Variants in AOAH observed in about 807,000 individuals in gnomAD.
AOAH encodes acyloxyacyl hydrolase, also known as acyloxyacyl hydrolase (neutrophil).
A neutral mutation model predicts 92.2 loss-of-function variants in AOAH; 64 were observed. The observed-to-expected ratio is 0.69, with a 90% CI of 0.57 to 0.86. AOAH has a LOEUF of 0.86. AOAH is among the 40% of genes least tolerant of loss of function. The pLI is 0.00. For missense variants in AOAH, 656 were observed against 694.6 expected (o/e 0.94, Z 0.62); for synonymous variants, 263 against 254.5 (o/e 1.03, Z -0.32).
chr7:36,706,736 A>C lies in AOAH; in HGVS notation c.127+17286T>G, dbSNP rs796708688. 1.1e-4 allele frequency among the ~76,000 whole-genome samples: 17 copies of C among 152,330 alleles called. 1 individual carries two copies. The highest frequency in any genetic ancestry group is 8.3e-4 in the South Asian group (4 of 4,826). Reference sequence around the variant, plus strand: ...TTCTGGATAACTTGCTGTAGCTTCTACATCAGCATGTGTTCCTTCACCTTG... The same window carrying C: ...TTCTGGATAACTTGCTGTAGCTTCTCCATCAGCATGTGTTCCTTCACCTTG... On this transcript the variant is annotated intron_variant, in intron 1 of 20. Transcript: ENST00000617537.
At chr7:36,669,144 C>G (rs1407579911) in intron 3 of AOAH, among the ~76,000 whole-genome samples, 1 of 152,116 alleles carries the variant, frequency 6.6e-6, no homozygotes, top group African/African-American at 2.4e-5. Context: ...GGGAATAGAG[C>G]CTTTTTCACT....
At chr7:36,537,663 C>T (rs1445944632) in intron 16 of AOAH, among the ~76,000 whole-genome samples, 2 of 152,098 alleles carry the variant, frequency 1.3e-5, no homozygotes, top group African/African-American at 2.4e-5. Context: ...CGATTACAGG[C>T]ACCTGCCACC....
intron 4 of AOAH, among the ~76,000 whole-genome samples, chr7:36,645,499 A>G (rs1022449504): frequency 2.6e-5 from 4 of 152,240 alleles, no homozygotes; most frequent in African/African-American, 4.8e-5. Context: ...AAGGGCTTCA[A>G]GGCAATTTCT....
At position 36,568,894 on chromosome 7, in the gene AOAH, G is replaced by A. The variant is rs549843272; in HGVS notation, c.1021+7680C>T. On this transcript the variant is annotated intron_variant, in intron 13 of 20. Transcript: ENST00000617537. The stretch of plus-strand genomic sequence containing the variant: ...AACCAAAGTCCAAAGAAGAGAACAA[G>A]CAAGATGAGGTTTTTTCAGAGTGTG... Among the ~76,000 whole-genome samples, 16 of 152,282 alleles carry A rather than the reference G, an allele frequency of 1.1e-4. No homozygotes were observed. In the South Asian group the frequency reaches 3.3e-3, roughly 32 times the overall value.
chr7:36,676,752 C>T (rs1796278295), intron 2 of AOAH, among the ~76,000 whole-genome samples: 1 of 152,152 alleles, frequency 6.6e-6, no homozygotes, highest in Admixed American at 6.5e-5. Context: ...AACATAAAGA[C>T]AGACATATGG....
Position 36,724,041 on chromosome 7 carries a change from C to T in AOAH, c.108G>A (p.Ser36=), listed in dbSNP as rs2228412. 0.022 allele frequency: 34,789 copies of T among 1,613,530 alleles called. 435 individuals carry two copies. The highest frequency in any genetic ancestry group is 0.028 in the Middle Eastern group (172 of 6,054). Residue 36 remains serine, a synonymous_variant, in exon 1 of 21, where the codon TCG becomes TCA. Transcript: ENST00000617537. ...GCATACCTACACAGGTGTGCCCATT[C>T]GAGAGGCTGGGCCTGGACTGGTCAT... ...ANDDQSRPSL[S]NGHTCVGCVL...
At chr7:36,611,273 C>T (rs974615712) in intron 11 of AOAH, among the ~76,000 whole-genome samples, 6 of 152,076 alleles carry the variant, frequency 3.9e-5, no homozygotes, top group East Asian at 1.9e-4. Flanking sequence ...TCCTCCTACC[C>T]GTAGTGTTAT....
At chr7:36,609,391 T>C (rs925467342) in intron 11 of AOAH, among the ~76,000 whole-genome samples, 2 of 152,244 alleles carry the variant, frequency 1.3e-5, no homozygotes, top group East Asian at 3.9e-4. Context: ...TTAAAACCCT[T>C]CAATGGCTCC....
At chr7:36,681,803 GAAATAAAT>G (rs763912531) in intron 2 of AOAH, among the ~76,000 whole-genome samples, 2 of 152,028 alleles carry the variant, frequency 1.3e-5, no homozygotes, top group Non-Finnish European at 2.9e-5. Flanking sequence ...TCTGTCTCCA[GAAATAAAT>G]AAATAAATAA....
chr7:36,522,436 A>G (rs1477379575), intron 19 of AOAH, among the ~76,000 whole-genome samples: 1 of 152,242 alleles, frequency 6.6e-6, no homozygotes, highest in Non-Finnish European at 1.5e-5. Context: ...TTGGTGGTGC[A>G]GTAGGATGGT....
rs368085747 is a variant in AOAH at position 36,601,480 on chromosome 7, G to A, written c.847-7050C>T. Among the ~76,000 whole-genome samples, 510 of 152,302 alleles carry A rather than the reference G, an allele frequency of 3.3e-3. 4 individuals carry two copies. The highest frequency in any genetic ancestry group is 0.011 in the African/African-American group (447 of 41,568). ...GGGCTCCTTCTTCATGGGACTCACC[G>A]TCTAGAGGAGCACAGACAATAAACA... is the stretch of plus-strand genomic sequence containing the variant. On this transcript the variant is annotated intron_variant, in intron 11 of 20. Coordinates refer to ENST00000617537, the MANE Select transcript of AOAH (RefSeq NM_001637.4).
chr7:36,554,456 T>A (rs1308728722), intron 13 of AOAH, among the ~76,000 whole-genome samples: 5 of 152,238 alleles, frequency 3.3e-5, no homozygotes, highest in African/African-American at 4.8e-5. Context: ...AGGTTTGACT[T>A]GGTGATGTGG....
chr7:36,545,543 T>C (rs1463670027), intron 15 of AOAH, among the ~76,000 whole-genome samples: 1 of 152,210 alleles, frequency 6.6e-6, no homozygotes, highest in Non-Finnish European at 1.5e-5. Flanking sequence ...GGGTGTAACC[T>C]GAAGCGTTGG....
chr7:36,603,745 C>G (rs1310139606), intron 11 of AOAH, among the ~76,000 whole-genome samples: 1 of 152,154 alleles, frequency 6.6e-6, no homozygotes, highest in Non-Finnish European at 1.5e-5. Context: ...GACCTCTACT[C>G]TAGGATCCAA....
chr7:36,624,056 A>G (rs765570729), intron 6 of AOAH, among the ~76,000 whole-genome samples: 14 of 152,270 alleles, frequency 9.2e-5, no homozygotes, highest in Non-Finnish European at 1.6e-4. Context: ...CTTCATTTAC[A>G]TAGGGCATAC....
At chr7:36,566,508 A>G (rs1193087695) in intron 13 of AOAH, among the ~76,000 whole-genome samples, 2 of 152,076 alleles carry the variant, frequency 1.3e-5, no homozygotes, top group Admixed American at 1.3e-4. Context: ...TTGTCAGAGT[A>G]GGTAGCTAGT....
intron 13 of AOAH, among the ~76,000 whole-genome samples, chr7:36,558,693 C>G (rs954101998): frequency 3.3e-5 from 5 of 152,246 alleles, no homozygotes; most frequent in Non-Finnish European, 7.3e-5. Flanking sequence ...GAGCCCCTCC[C>G]CCAGCCTCGC....
chr7:36,606,350 G>A (rs1040465028), intron 11 of AOAH, among the ~76,000 whole-genome samples: 3 of 152,158 alleles, frequency 2.0e-5, no homozygotes, highest in Non-Finnish European at 4.4e-5. Context: ...TGAGAGATGG[G>A]AGCCGCTTTG....
At chr7:36,584,717 A>G (rs1392544160) in intron 12 of AOAH, among the ~76,000 whole-genome samples, 1 of 152,200 alleles carries the variant, frequency 6.6e-6, no homozygotes, top group Non-Finnish European at 1.5e-5. Context: ...TTATTTTTAC[A>G]TATTTTTACA....
Sources: allele counts gnomAD v4.1 joint callset (sites outside exome capture counted in the v4.1 genomes callset), GRCh38; gene constraint gnomAD v4.1.1; transcripts MANE v1.5; gene names NCBI Gene and HGNC (gene_info 2026-07-23, HGNC 2026-07-21).